ZSCAN25: variants seen among roughly 807,000 people sequenced by gnomAD.
ZSCAN25 encodes zinc finger and SCAN domain containing 25.
ZSCAN25 carries 27 observed loss-of-function variants against 38.7 expected under a neutral mutation model. The ratio of observed to expected loss-of-function variants is 0.70; its 90% confidence interval spans 0.51 to 0.96. ZSCAN25 has a LOEUF of 0.96. Among genes scored for constraint, ZSCAN25 ranks in the 40% least tolerant of loss-of-function variants. The pLI is 0.00. For missense variants in ZSCAN25, 637 were observed against 705.9 expected (o/e 0.90, Z 1.11); for synonymous variants, 273 against 277.7 (o/e 0.98, Z 0.17).
At chr7:99,679,592 T>C in the ZSCAN25 span, among the ~76,000 whole-genome samples, 1 of 152,208 alleles carries the variant, frequency 6.6e-6, no homozygotes, top group African/African-American at 2.4e-5. Context: ...TACCAAATGC[T>C]GTCCCTAAAC....
chr7:99,711,715 C>G, the ZSCAN25 span, among the ~76,000 whole-genome samples: 13 of 152,318 alleles, frequency 8.5e-5, no homozygotes, highest in East Asian at 2.3e-3. Flanking sequence ...TTGTGGTGAG[C>G]TGAGATCATG....
the ZSCAN25 span, among the ~76,000 whole-genome samples, chr7:99,732,666 T>C: frequency 0.018 from 2,707 of 152,202 alleles, 74 homozygotes; most frequent in African/African-American, 0.06. Context: ...AGCAGAAAAG[T>C]TGATGGAAGA....
At chr7:99,671,914 C>T in the ZSCAN25 span, 1 of 695,648 alleles carries the variant, frequency 1.4e-6, no homozygotes, top group Non-Finnish European at 2.6e-6. Context: ...ACTACCCACA[C>T]ACATAAACAC....
the ZSCAN25 span, among the ~76,000 whole-genome samples, chr7:99,736,612 CAG>C: frequency 1.3e-5 from 2 of 152,178 alleles, no homozygotes. Context: ...AACAAAATCT[CAG>C]AGTTGTTAAA....
Position 99,622,540 on chromosome 7 carries a change from C to T in ZSCAN25, c.590-9C>T, listed in dbSNP as rs368476299. 108 of 1,613,902 alleles carry T rather than the reference C, an allele frequency of 6.7e-5. No homozygotes were observed. The highest frequency in any genetic ancestry group is 8.9e-5 in the Non-Finnish European group (105 of 1,179,796). The stretch of plus-strand genomic sequence containing the variant: ...TCTGATCTTTCTCATGCTTTTTGTC[C>T]CTGCTCAGCACTACCTGTTCTGCAG... On this transcript the variant is annotated splice_polypyrimidine_tract_variant and intron_variant, in intron 5 of 7. Coordinates refer to ENST00000394152, the MANE Select transcript of ZSCAN25 (RefSeq NM_145115.3).
chr7:99,631,228 C>T lies in ZSCAN25; in HGVS notation c.*1208C>T, dbSNP rs1035992458. The T allele has an allele frequency of 4.1e-6, 4 of 985,330 alleles. No individual in the cohort carries two copies. The highest frequency in any genetic ancestry group is 1.7e-5 in the African/African-American group (1 of 57,236). The allele number at this position is 985,330 out of a possible 1,614,324, so 61.0% of individuals were successfully genotyped here. On this transcript the variant is annotated 3_prime_UTR_variant, in exon 8 of 8. Transcript: ENST00000394152. ...CCTACCTCTTGTTACTAAATGGTCTCTGCCCTCCAGACCCTTGTCATCCAA... is the reference window on the plus strand; with the variant it reads ...CCTACCTCTTGTTACTAAATGGTCTTTGCCCTCCAGACCCTTGTCATCCAA...
At chr7:99,718,362 A>G in the ZSCAN25 span, among the ~76,000 whole-genome samples, 1 of 152,182 alleles carries the variant, frequency 6.6e-6, no homozygotes, top group South Asian at 2.1e-4. Flanking sequence ...TTTTTATTCC[A>G]TGGATAGAAA....
rs763027522 is a variant in ZSCAN25, at chr7:99,629,932, G to C, written c.1547G>C (p.Cys516Ser). The change falls in exon 8 of 8, where the codon TGT becomes TCT. Residue 516 changes from cysteine (C) to serine (S), a missense_variant. By Grantham distance (112) the Cys-to-Ser change is moderately radical. Coordinates refer to ENST00000394152, the MANE Select transcript of ZSCAN25 (RefSeq NM_145115.3). The surrounding 1 kb of genome is among the most constrained non-coding windows in gnomAD (Gnocchi z 5.6). ...RIHTGEKPYH[C>S]PACGRSFNQR... ...CATACAGGGGAGAAGCCCTACCACT[G>C]TCCTGCCTGCGGGCGAAGCTTCAAC... 19 of 1,613,960 alleles carry C rather than the reference G, an allele frequency of 1.2e-5. No homozygotes were observed. In the South Asian group the frequency reaches 2.0e-4, roughly 17 times the overall value.
chr7:99,638,108 C>G, the ZSCAN25 span: 7 of 903,094 alleles, frequency 7.8e-6, no homozygotes, highest in African/African-American at 6.7e-5. Flanking sequence ...CCTCTCCCCC[C>G]AAACTGTAGA....
At chr7:99,663,649 A>G in the ZSCAN25 span, 2 of 1,016,682 alleles carry the variant, frequency 2.0e-6, no homozygotes, top group Non-Finnish European at 2.4e-6. Context: ...ATACCAGTAA[A>G]ATATATTTTC....
chr7:99,656,723 G>T, the ZSCAN25 span, among the ~76,000 whole-genome samples: 2 of 152,006 alleles, frequency 1.3e-5, no homozygotes, highest in Admixed American at 6.5e-5. Context: ...GACTTTTTTT[G>T]GTTGGTAAGC....
At chr7:99,690,399 G>T in the ZSCAN25 span, among the ~76,000 whole-genome samples, 1 of 152,176 alleles carries the variant, frequency 6.6e-6, no homozygotes, top group Non-Finnish European at 1.5e-5. Context: ...AGGACTTCAT[G>T]TCTAAAACAC....
At chr7:99,678,960 C>T in the ZSCAN25 span, among the ~76,000 whole-genome samples, 1 of 152,164 alleles carries the variant, frequency 6.6e-6, no homozygotes, top group Non-Finnish European at 1.5e-5. Flanking sequence ...GGTTTGCCCT[C>T]CTGTACTGTA....
rs750060095 is a variant in ZSCAN25, at chr7:99,624,139, T to C, written c.764T>C (p.Phe255Ser). 10 of 1,613,842 alleles carry C rather than the reference T, an allele frequency of 6.2e-6. No individual in the cohort carries two copies. Among genetic ancestry groups the C allele is most frequent in the Middle Eastern group, 3.3e-4 (2 of 6,008 alleles). ...GTGACCCCAGCCCAGATAGACTGCT[T>C]TGGGGAGTATGTGGAACCGCAGGAC... The part of the protein sequence containing the change: ...RHVTPAQIDC[F>S]GEYVEPQDCR... Residue 255 changes from phenylalanine to serine, a missense_variant, in exon 7 of 8, where the codon TTT becomes TCT. Coordinates refer to ENST00000394152, the MANE Select transcript of ZSCAN25 (RefSeq NM_145115.3).
chr7:99,720,182 A>G, the ZSCAN25 span: 19 of 1,080,912 alleles, frequency 1.8e-5, no homozygotes, highest in African/African-American at 3.2e-5. Flanking sequence ...ACCATGGGGG[A>G]TGGGCAGGAT....
rs1807802847 is a variant in ZSCAN25, at chr7:99,629,507, T to G, written c.1122T>G (p.Ser374=). ...ACCAGCGAACCCACGAAGAGAAGTCTTATGGCTGTGTGGAGTGTGGGAAGG... is the reference window on the plus strand; with the variant it reads ...ACCAGCGAACCCACGAAGAGAAGTCGTATGGCTGTGTGGAGTGTGGGAAGG... ...VRHQRTHEEK[S]YGCVECGKGF... The change falls in exon 8 of 8, where the codon TCT becomes TCG. Residue 374 remains serine, a synonymous_variant. Coordinates refer to ENST00000394152, the MANE Select transcript of ZSCAN25 (RefSeq NM_145115.3). This position sits in a 1 kb window ranked among gnomAD's most constrained non-coding sequence, Gnocchi z 5.6. The G allele has an allele frequency of 6.2e-7, 1 of 1,614,072 alleles. No individual in the cohort carries two copies. The highest frequency in any genetic ancestry group is 1.3e-5 in the African/African-American group (1 of 74,904).
the ZSCAN25 span, among the ~76,000 whole-genome samples, chr7:99,703,316 C>T: frequency 6.6e-6 from 1 of 152,158 alleles, no homozygotes; most frequent in Non-Finnish European, 1.5e-5. Context: ...TTAACCCTGG[C>T]CCTGGAATCA....
the ZSCAN25 span, chr7:99,671,858 G>A: frequency 1.4e-6 from 1 of 702,950 alleles, no homozygotes; most frequent in Non-Finnish European, 2.6e-6. Context: ...GCATCTTGAT[G>A]GTGCTGGTCG....
At chr7:99,726,165 A>G in the ZSCAN25 span, among the ~76,000 whole-genome samples, 3 of 152,094 alleles carry the variant, frequency 2.0e-5, no homozygotes, top group Non-Finnish European at 2.9e-5. Flanking sequence ...ACCCACAGGT[A>G]TGGGACACCT....
Sources: gnomAD v4.1 joint callset for allele counts (sites outside exome capture counted in the v4.1 genomes callset) on GRCh38, gnomAD v4.1.1 for gene constraint, Gnocchi (gnomAD v3.1) non-coding constraint, MANE v1.5 for transcripts, NCBI Gene and HGNC (gene_info 2026-07-23, HGNC 2026-07-21) for gene names.